Variants in NEK11 observed in about 807,000 individuals in gnomAD.
The protein encoded by NEK11 is NIMA related kinase 11.
In NEK11, 72 loss-of-function variants were observed where a neutral mutation model predicts 80.7. The ratio of observed to expected loss-of-function variants is 0.89; its 90% CI spans 0.74 to 1.08. The LOEUF (loss-of-function observed/expected upper bound fraction) is 1.08. Ranked by LOEUF, NEK11 falls within the 50% of genes least tolerant of loss-of-function variation. The probability of loss-of-function intolerance (pLI) is 0.00; values close to 1 mark genes in which losing one functional copy is unlikely to be tolerated. For missense variants in NEK11, 764 were observed against 763.6 expected, an observed-to-expected ratio of 1.00 and a Z score of -0.01; for synonymous variants, 251 against 260.7, an observed-to-expected ratio of 0.96 and a Z score of 0.36.
intron 17 of NEK11, among the ~76,000 whole-genome samples, chr3:131,301,955 G>C (rs1239669318): frequency 6.6e-6 from 1 of 152,078 alleles, no homozygotes; most frequent in African/African-American, 2.4e-5. Context: ...TATACATCTG[G>C]AAGAATTCAG....
At chr3:131,171,923 C>T (rs1311324368) in intron 14 of NEK11, among the ~76,000 whole-genome samples, 2 of 152,154 alleles carry the variant, frequency 1.3e-5, no homozygotes, top group Admixed American at 6.5e-5. Flanking sequence ...GATGCTAAGA[C>T]TAGACTACAA....
chr3:131,189,772 T>A (rs1310382884), intron 14 of NEK11, among the ~76,000 whole-genome samples: 1 of 152,222 alleles, frequency 6.6e-6, no homozygotes, highest in Non-Finnish European at 1.5e-5. Flanking sequence ...CATAAACCTC[T>A]GTGCCTCAGT....
intron 14 of NEK11, among the ~76,000 whole-genome samples, chr3:131,182,977 C>A (rs1215007931): frequency 6.6e-6 from 1 of 152,160 alleles, no homozygotes; most frequent in Admixed American, 6.5e-5. Context: ...AATAATTTGA[C>A]AATTTGCATA....
At chr3:131,301,705 C>A (rs997016592) in intron 17 of NEK11, among the ~76,000 whole-genome samples, 1 of 152,060 alleles carries the variant, frequency 6.6e-6, no homozygotes, top group East Asian at 1.9e-4. Context: ...GTTGAACCAA[C>A]CTTACATCCC....
chr3:131,055,386 GA>G (rs1162536375), intron 3 of NEK11, among the ~76,000 whole-genome samples: 1 of 152,062 alleles, frequency 6.6e-6, no homozygotes, highest in Non-Finnish European at 1.5e-5. Flanking sequence ...GCTTTGGAAG[GA>G]AATAGACAAT....
intron 17 of NEK11, among the ~76,000 whole-genome samples, chr3:131,305,695 G>A (rs2096716452): frequency 6.6e-6 from 1 of 152,132 alleles, no homozygotes; most frequent in South Asian, 2.1e-4. Flanking sequence ...TGAGATCTTG[G>A]GGTCTCCTGC....
intron 17 of NEK11, among the ~76,000 whole-genome samples, chr3:131,334,739 AAAAG>A (rs1297135818): frequency 6.6e-6 from 1 of 152,226 alleles, no homozygotes; most frequent in Non-Finnish European, 1.5e-5. Flanking sequence ...AATAAAGAAA[AAAAG>A]GGAGAAGAAT....
intron 3 of NEK11, among the ~76,000 whole-genome samples, chr3:131,052,588 T>C (rs2068618004): frequency 6.6e-6 from 1 of 152,168 alleles, no homozygotes; most frequent in African/African-American, 2.4e-5. Context: ...TGTGAAGTGA[T>C]AGTGACAACA....
rs575149366 is a variant in NEK11, at chr3:131,216,201, C to T, written c.1400-12327C>T. ...AGGATTCTGAAGGTACATATGAGAA[C>T]TATCTGGAAAGCATCAGAAAAATAA... is the stretch of plus-strand genomic sequence containing the variant. On this transcript the variant is annotated intron_variant, in intron 14 of 17. Coordinates refer to ENST00000383366, the MANE Select transcript of NEK11 (RefSeq NM_024800.5). Among the ~76,000 whole-genome samples, 114 of 152,260 alleles carry T rather than the reference C, an allele frequency of 7.5e-4. 1 individual carries two copies. The highest frequency in any genetic ancestry group is 2.4e-3 in the Admixed American group (37 of 15,296).
At chr3:131,285,363 T>G (rs1456683675) in intron 17 of NEK11, among the ~76,000 whole-genome samples, 1 of 152,194 alleles carries the variant, frequency 6.6e-6, no homozygotes, top group Non-Finnish European at 1.5e-5. Flanking sequence ...GAAGTTGGGA[T>G]GGCCTTGCAG....
intron 4 of NEK11, among the ~76,000 whole-genome samples, chr3:131,106,560 C>T (rs1239680594): frequency 2.0e-5 from 3 of 151,862 alleles, no homozygotes; most frequent in Non-Finnish European, 2.9e-5. Context: ...TACTAAATGC[C>T]GACAACTCTG....
intron 7 of NEK11, among the ~76,000 whole-genome samples, chr3:131,146,108 G>C (rs1470558090): frequency 6.6e-6 from 1 of 152,086 alleles, no homozygotes; most frequent in African/African-American, 2.4e-5. Context: ...CCCAGGCCAG[G>C]AGAGGTTGTC....
chr3:131,291,618 T>G (rs1467186417), intron 17 of NEK11, among the ~76,000 whole-genome samples: 1 of 152,230 alleles, frequency 6.6e-6, no homozygotes, highest in Non-Finnish European at 1.5e-5. Context: ...GCATTTGGTG[T>G]TGTCAGTGTT....
chr3:131,338,201 G>A (rs920005860), intron 17 of NEK11, among the ~76,000 whole-genome samples: 1 of 150,362 alleles, frequency 6.7e-6, no homozygotes, highest in Non-Finnish European at 1.5e-5. Context: ...TCCTGCCCTC[G>A]TGATCCACTG....
intron 16 of NEK11, among the ~76,000 whole-genome samples, chr3:131,245,510 A>G (rs1331501816): frequency 1.3e-5 from 2 of 151,994 alleles, no homozygotes; most frequent in Admixed American, 1.3e-4. Flanking sequence ...TCTTTGAGCA[A>G]TCTCCATACT....
intron 17 of NEK11, among the ~76,000 whole-genome samples, chr3:131,286,420 T>G (rs182360426): frequency 5.1e-4 from 77 of 152,326 alleles, no homozygotes; most frequent in Non-Finnish European, 9.0e-4. Context: ...GTTACATGTA[T>G]TTGATTTCCA....
chr3:131,297,790 G>A (rs1381825091), intron 17 of NEK11, among the ~76,000 whole-genome samples: 1 of 152,124 alleles, frequency 6.6e-6, no homozygotes, highest in Non-Finnish European at 1.5e-5. Flanking sequence ...GGTTTTTATG[G>A]TTTCAGGTCT....
At chr3:131,271,324 A>G (rs1282494349) in intron 16 of NEK11, among the ~76,000 whole-genome samples, 1 of 152,206 alleles carries the variant, frequency 6.6e-6, no homozygotes, top group Non-Finnish European at 1.5e-5. Context: ...TATTTCCATA[A>G]CTAGGGATCT....
intron 16 of NEK11, among the ~76,000 whole-genome samples, chr3:131,270,379 A>G (rs1391053619): frequency 2.0e-5 from 3 of 152,206 alleles, no homozygotes; most frequent in Non-Finnish European, 2.9e-5. Flanking sequence ...GTAGAATCCC[A>G]AGCCCTACCC....
Sources: allele counts gnomAD v4.1 joint callset (sites outside exome capture counted in the v4.1 genomes callset), GRCh38; gene constraint gnomAD v4.1.1; transcripts MANE v1.5; gene names NCBI Gene and HGNC (gene_info 2026-07-23, HGNC 2026-07-21).